ZCCHC7: variants seen among roughly 807,000 people sequenced by gnomAD.
ZCCHC7 encodes the protein zinc finger CCHC-type containing 7.
ZCCHC7 carries 35 observed loss-of-function variants against 52.0 expected under a neutral mutation model. The ratio of observed to expected loss-of-function variants is 0.67; its 90% CI spans 0.51 to 0.89. The LOEUF is 0.89. Ranked by LOEUF, ZCCHC7 falls within the 40% of genes least tolerant of loss-of-function variation. The pLI is 0.00. For missense variants in ZCCHC7, 574 were observed against 649.1 expected (o/e 0.88, Z 1.26); for synonymous variants, 217 against 221.5 (o/e 0.98, Z 0.18).
chr9:37,233,547 A>G (rs1451553240), intron 2 of ZCCHC7, among the ~76,000 whole-genome samples: 1 of 152,236 alleles, frequency 6.6e-6, no homozygotes, highest in Non-Finnish European at 1.5e-5. Flanking sequence ...ATTAGAGGTT[A>G]TGTTCTCTTT....
chr9:37,293,074 T>G (rs1201294767), intron 2 of ZCCHC7, among the ~76,000 whole-genome samples: 4 of 152,152 alleles, frequency 2.6e-5, no homozygotes, highest in Admixed American at 2.6e-4. Flanking sequence ...GAGAAGGTAT[T>G]TATGCCCATT....
chr9:37,281,606 T>C (rs977962770), intron 2 of ZCCHC7, among the ~76,000 whole-genome samples: 11 of 152,376 alleles, frequency 7.2e-5, no homozygotes, highest in Middle Eastern at 3.4e-3. Flanking sequence ...GTGATTGTAC[T>C]ATATCAATCT....
intron 2 of ZCCHC7, among the ~76,000 whole-genome samples, chr9:37,133,234 A>G (rs924442150): frequency 3.9e-5 from 6 of 152,226 alleles, no homozygotes; most frequent in African/African-American, 1.4e-4. Flanking sequence ...TGAGTTGGAC[A>G]AGTCATCTCT....
chr9:37,334,163 C>T (rs907983744), intron 6 of ZCCHC7, among the ~76,000 whole-genome samples: 1 of 151,886 alleles, frequency 6.6e-6, no homozygotes, highest in African/African-American at 2.4e-5. Context: ...GATTATTTCG[C>T]ATATGTGCTT....
rs2118741982 is a variant in ZCCHC7 at position 37,357,976 on chromosome 9, C to T, written c.*708C>T. On this transcript the variant is annotated 3_prime_UTR_variant, in exon 9 of 9. Transcript: ENST00000336755. ...TTTTACCACTTTTACAGCGGTGTTT[C>T]AAGCGGACTGTCACTCAGATCTGCA... The T allele has an allele frequency of 6.6e-6, 1 of 152,234 alleles. No homozygotes were observed. Among genetic ancestry groups the T allele is most frequent in the African/African-American group, 2.4e-5 (1 of 41,520 alleles). 9.4% of individuals were successfully genotyped at this position (152,234 alleles called of 1,614,324 possible).
At chr9:37,258,356 C>G (rs1042166001) in intron 2 of ZCCHC7, among the ~76,000 whole-genome samples, 1 of 152,054 alleles carries the variant, frequency 6.6e-6, no homozygotes, top group Admixed American at 6.5e-5. Flanking sequence ...CCAGGATGAT[C>G]ACAGTCAGCA....
chr9:37,150,039 CAG>C (rs1308894654), intron 2 of ZCCHC7, among the ~76,000 whole-genome samples: 4 of 152,184 alleles, frequency 2.6e-5, no homozygotes, highest in East Asian at 1.9e-4. Context: ...AAGAATGTGA[CAG>C]AGTGTCATTA....
intron 2 of ZCCHC7, among the ~76,000 whole-genome samples, chr9:37,200,197 T>C (rs554208411): frequency 4.9e-4 from 74 of 152,362 alleles, no homozygotes; most frequent in South Asian, 4.1e-4. Flanking sequence ...TTTTCTGTTT[T>C]CTTCTCCATG....
intron 2 of ZCCHC7, 123 bp downstream of exon 2, chr9:37,127,065 GGTTT>G: frequency 7.9e-7 from 1 of 1,259,030 alleles, no homozygotes. Context: ...CTTGTTTTTT[GGTTT>G]GTTTCTCATG....
intron 2 of ZCCHC7, among the ~76,000 whole-genome samples, chr9:37,296,575 C>A (rs1255992382): frequency 6.6e-6 from 1 of 150,536 alleles, no homozygotes. Flanking sequence ...TATATACCAG[C>A]TATTGTTTCT....
At chr9:37,170,685 C>A (rs575503142) in intron 2 of ZCCHC7, among the ~76,000 whole-genome samples, 1 of 152,274 alleles carries the variant, frequency 6.6e-6, no homozygotes, top group Admixed American at 6.5e-5. Context: ...ATCTCATTGA[C>A]ACATATTTCT....
In ZCCHC7 at chr9:37,316,357, G is replaced by A. The variant is rs902587229; in HGVS notation, c.951+10643G>A. 2.0e-5 allele frequency among the ~76,000 whole-genome samples: 3 copies of A among 151,374 alleles called. No homozygotes were observed. In the East Asian group the frequency reaches 5.8e-4, roughly 29 times the overall value. ...TTACAGGCATGAGCCAATGTGTCTA[G>A]CCAAGAATCTTATTCTTATAAGAAT... is the stretch of plus-strand genomic sequence containing the variant. On this transcript the variant is annotated intron_variant, in intron 5 of 8. Transcript: ENST00000336755.
At chr9:37,355,532 T>TAGAG (rs1821644593) in intron 8 of ZCCHC7, among the ~76,000 whole-genome samples, 1 of 152,216 alleles carries the variant, frequency 6.6e-6, no homozygotes, top group African/African-American at 2.4e-5. Context: ...AAGGTACTAA[T>TAGAG]TCTGAGGAAA....
chr9:37,253,994 C>G (rs537574990), intron 2 of ZCCHC7, among the ~76,000 whole-genome samples: 4 of 151,842 alleles, frequency 2.6e-5, no homozygotes, highest in African/African-American at 4.8e-5. Flanking sequence ...GAACCAAAAC[C>G]TTTTTCGATT....
At chr9:37,247,090 C>G (rs1826113246) in intron 2 of ZCCHC7, among the ~76,000 whole-genome samples, 1 of 152,148 alleles carries the variant, frequency 6.6e-6, no homozygotes, top group Non-Finnish European at 1.5e-5. Flanking sequence ...AACCCCCTCT[C>G]CACCAAACTC....
In ZCCHC7 at chr9:37,179,689, G is replaced by C. The variant is rs181713577; in HGVS notation, c.610+52747G>C. The stretch of plus-strand genomic sequence containing the variant: ...GTATAAACATTTACCTGTTGATGTT[G>C]AGTTGATGGATTTCTTTTTTAAGGA... On this transcript the variant is annotated intron_variant, in intron 2 of 8. Transcript: ENST00000336755. Among the ~76,000 whole-genome samples the C allele has an allele frequency of 6.3e-3, 952 of 152,222 alleles. 10 individuals are homozygous for C. Among genetic ancestry groups the C allele is most frequent in the Non-Finnish European group, 8.3e-3 (563 of 67,998 alleles).
intron 2 of ZCCHC7, among the ~76,000 whole-genome samples, chr9:37,151,131 A>AT (rs923608989): frequency 9.3e-5 from 14 of 151,206 alleles, no homozygotes; most frequent in Admixed American, 1.3e-4. Context: ...CGCCCGGCTA[A>AT]TTTTTTTTGT....
intron 2 of ZCCHC7, among the ~76,000 whole-genome samples, chr9:37,202,204 C>T (rs1823670553): frequency 6.6e-6 from 1 of 152,106 alleles, no homozygotes; most frequent in Admixed American, 6.5e-5. Context: ...CTATTATGTA[C>T]CTTGTCTGCT....
At chr9:37,257,959 C>T (rs555491248) in intron 2 of ZCCHC7, among the ~76,000 whole-genome samples, 1 of 152,212 alleles carries the variant, frequency 6.6e-6, no homozygotes, top group East Asian at 1.9e-4. Flanking sequence ...AGATTAAAAT[C>T]TTATTAGGGC....
Sources: allele counts gnomAD v4.1 joint callset (sites outside exome capture counted in the v4.1 genomes callset), GRCh38; gene constraint gnomAD v4.1.1; transcripts MANE v1.5; gene names NCBI Gene and HGNC (gene_info 2026-07-23, HGNC 2026-07-21).